Variants in RYR1 observed in about 807,000 individuals in gnomAD.
RYR1 encodes central core disease of muscle.
RYR1 carries 342 observed loss-of-function variants against 583.5 expected under a neutral mutation model. The observed-to-expected ratio is 0.59, with a 90% CI of 0.54 to 0.64. The LOEUF (loss-of-function observed/expected upper bound fraction) is 0.64, where lower values mean the gene tolerates loss of function less well. RYR1 is among the 30% of genes least tolerant of loss of function. The pLI, the probability that RYR1 is intolerant of heterozygous loss-of-function variation, is 0.00. For missense variants in RYR1, 6,032 were observed against 6,917.2 expected (o/e 0.87, Z 4.54); for synonymous variants, 2,791 against 2,822.5 (o/e 0.99, Z 0.35).
chr19:38,443,907 A>T (rs1972814961), intron 5 of RYR1, 111 bp downstream of exon 5: 11 of 1,026,544 alleles, frequency 1.1e-5, no homozygotes, highest in Non-Finnish European at 1.7e-5. Flanking sequence ...GGGGACATGA[A>T]TGGGGGCTTC....
chr19:38,574,374 T>A (rs1440502667), intron 96 of RYR1, among the ~76,000 whole-genome samples: 1 of 151,340 alleles, frequency 6.6e-6, no homozygotes. Flanking sequence ...TCTCAGCACT[T>A]TGGGAGGCTG....
In RYR1 at chr19:38,454,233, T is replaced by A. The variant is rs148457702; in HGVS notation, c.1441-1002T>A. Among the ~76,000 whole-genome samples, 541 of 152,262 alleles carry A rather than the reference T, an allele frequency of 3.6e-3. 2 individuals carry two copies. Among genetic ancestry groups the A allele is most frequent in the African/African-American group, 0.013 (523 of 41,536 alleles). On this transcript the variant is annotated intron_variant, in intron 13 of 105. Coordinates refer to ENST00000359596, the MANE Select transcript of RYR1 (RefSeq NM_000540.3). ...TTTTGTATTTTTAGTAGAGATGGGG[T>A]TTCGCCATGTTGGCCAGGCTCGTCT...
intron 89 of RYR1, among the ~76,000 whole-genome samples, chr19:38,556,747 C>G (rs1405682000): frequency 6.6e-6 from 1 of 152,114 alleles, no homozygotes; most frequent in Non-Finnish European, 1.5e-5. Flanking sequence ...CACACTAAGT[C>G]TATCAGTGGA....
chr19:38,531,963 C>A (rs1313327413), intron 76 of RYR1, among the ~76,000 whole-genome samples: 4 of 152,120 alleles, frequency 2.6e-5, no homozygotes, highest in African/African-American at 7.2e-5. Context: ...ACAGCATGGA[C>A]AACATGACCA....
chr19:38,537,140 T>C (rs1600968197), intron 83 of RYR1: 1 of 337,638 alleles, frequency 3.0e-6, no homozygotes, highest in South Asian at 3.9e-5. Context: ...TACTCTGCTC[T>C]CTGCACCCCG....
chr19:38,582,959 T>TA (rs1974281471), intron 101 of RYR1, among the ~76,000 whole-genome samples: 1 of 152,116 alleles, frequency 6.6e-6, no homozygotes, highest in African/African-American at 2.4e-5. Flanking sequence ...TCTTAGTTTT[T>TA]ACTCTAGGAT....
rs139647387 is a variant in RYR1, at chr19:38,566,978, A to G, written c.13505A>G (p.Glu4502Gly). 129 of 1,595,892 alleles carry G rather than the reference A, an allele frequency of 8.1e-5. No individual in the cohort carries two copies. Among genetic ancestry groups the G allele is most frequent in the Middle Eastern group, 3.4e-4 (2 of 5,932 alleles). ...EPEPEPELEP[E>G]KADAENGEKE... The stretch of plus-strand genomic sequence containing the variant: ...GAGCCGGAACCAGAGCTGGAGCCGG[A>G]GAAAGCCGAGTGAGTGGCCTTGGGG... Residue 4502 changes from glutamate to glycine, a missense_variant, in exon 92 of 106, where the codon GAG becomes GGG. Coordinates refer to ENST00000359596, the MANE Select transcript of RYR1 (RefSeq NM_000540.3).
At chr19:38,523,587 CCCT>C (rs1346489063) in intron 69 of RYR1, 1 of 601,248 alleles carries the variant, frequency 1.7e-6, no homozygotes, top group East Asian at 2.8e-5. Context: ...CCTCCCATTT[CCCT>C]CCTCTCCATT....
rs56120885 is a variant in RYR1, at chr19:38,486,287, A to T, written c.5547+85A>T. ...GAGATACATGCATCAATCCTCCTCT[A>T]TTTATGCATCCAACCACCCATTCAT... On this transcript the variant is annotated intron_variant, in intron 34 of 105. Coordinates refer to ENST00000359596, the MANE Select transcript of RYR1 (RefSeq NM_000540.3). 1.7e-3 allele frequency: 2,523 copies of T among 1,520,918 alleles called. 31 individuals carry two copies. The African/African-American group carries it at 0.03, about 18-fold the overall frequency. 94.2% of individuals were successfully genotyped at this position (1,520,918 alleles called of 1,614,324 possible). A position where few individuals can be genotyped will look rare whatever the true frequency, so the allele number is the denominator to read the frequency against.
At chr19:38,466,545 A>G in intron 24 of RYR1, 147 bp downstream of exon 24, 1 of 797,440 alleles carries the variant, frequency 1.3e-6, no homozygotes, top group Non-Finnish European at 1.9e-6. Flanking sequence ...CGCTGTCCCC[A>G]GGCTGGAGTG....
intron 35 of RYR1, 76 bp downstream of exon 35, chr19:38,489,519 G>A: frequency 1.3e-6 from 2 of 1,556,804 alleles, no homozygotes; most frequent in Non-Finnish European, 1.8e-6. Context: ...ATGTGAGTCT[G>A]GACTTCGTCC....
In RYR1 at chr19:38,485,882, G is replaced by T. The variant is rs1392565021; in HGVS notation, c.5227G>T (p.Ala1743Ser). Residue 1743 changes from alanine to serine, a missense_variant, in exon 34 of 106, where the codon GCC becomes TCC. This residue lies in a region of RYR1 where 2,627 missense variants were observed against 2,961.3 expected (regional missense o/e 0.89). Coordinates refer to ENST00000359596, the MANE Select transcript of RYR1 (RefSeq NM_000540.3). ...CGTGCCCCTCACGCCTGAGACCCGC[G>T]CCATCACGCTCTTCCCTCCTGGAAG... is the stretch of plus-strand genomic sequence containing the variant. ...YIVPLTPETR[A>S]ITLFPPGRST... 1.2e-6 allele frequency: 2 copies of T among 1,613,512 alleles called. No individual in the cohort carries two copies. Among genetic ancestry groups the T allele is most frequent in the Non-Finnish European group, 1.7e-6 (2 of 1,179,968 alleles).
intron 89 of RYR1, among the ~76,000 whole-genome samples, chr19:38,551,134 G>A (rs779871402): frequency 1.5e-5 from 2 of 131,748 alleles, no homozygotes; most frequent in African/African-American, 2.8e-5. Context: ...TGCAACCTCC[G>A]CCTCCTGGGT....
At position 38,477,738 on chromosome 19, in the gene RYR1, G is replaced by T. The variant is rs1968805897; in HGVS notation, c.4322G>T (p.Gly1441Val). 6.2e-7 allele frequency: 1 copy of T among 1,614,158 alleles called. No homozygotes were observed. Among genetic ancestry groups the T allele is most frequent in the Non-Finnish European group, 8.5e-7 (1 of 1,180,030 alleles). Residue 1441 changes from glycine to valine, a missense_variant, in exon 30 of 106, where the codon GGA (glycine) becomes GTA (valine). Coordinates refer to ENST00000359596, the MANE Select transcript of RYR1 (RefSeq NM_000540.3). ...TATTACTCCGTGAGGGTCTTTGCTG[G>T]ACAGGAGCCCAGCTGCGTGTGGGCG... ...TYYYSVRVFAGQEPSCVWAGW... is the reference protein window; with the variant it reads ...TYYYSVRVFAVQEPSCVWAGW...
At chr19:38,457,099 G>T (rs1399935357) in intron 16 of RYR1, among the ~76,000 whole-genome samples, 2 of 138,040 alleles carry the variant, frequency 1.4e-5, no homozygotes, top group African/African-American at 2.7e-5. Context: ...AATTACTTTT[G>T]CTCCAGCCTA....
intron 64 of RYR1, among the ~76,000 whole-genome samples, 181 bp downstream of exon 64, chr19:38,515,288 G>C (rs966522429): frequency 1.3e-5 from 2 of 152,198 alleles, no homozygotes; most frequent in African/African-American, 4.8e-5. Context: ...CAGCCACGGA[G>C]GTAGAGCCGC....
chr19:38,529,047 A>G lies in RYR1; in HGVS notation c.11131A>G (p.Thr3711Ala). ...CCTGCACTTCAGCCGCACTGCCCTG[A>G]CGGAAAAGAGGTGAAGACTCTTGCC... The part of the protein sequence containing the change: ...LVLHFSRTAL[T>A]EKSKLDEDYL... Residue 3711 changes from threonine to alanine, a missense_variant, in exon 76 of 106, where the codon ACG becomes GCG. By Grantham distance (58) the Thr-to-Ala change is moderately conservative. This residue lies in a region of RYR1 where 1,493 missense variants were observed against 1,715.5 expected (regional missense o/e 0.87). Coordinates refer to ENST00000359596, the MANE Select transcript of RYR1 (RefSeq NM_000540.3). The G allele has an allele frequency of 6.2e-7, 1 of 1,613,766 alleles. No homozygotes were observed. Among genetic ancestry groups the G allele is most frequent in the Non-Finnish European group, 8.5e-7 (1 of 1,179,990 alleles).
intron 1 of RYR1, among the ~76,000 whole-genome samples, chr19:38,436,675 T>C (rs946731991): frequency 6.6e-6 from 1 of 152,182 alleles, no homozygotes; most frequent in Non-Finnish European, 1.5e-5. Context: ...TTTACTATTA[T>C]AGACAACACA....
At position 38,485,936 on chromosome 19, in the gene RYR1, G is replaced by A. The variant is rs374471752; in HGVS notation, c.5281G>A (p.Gly1761Ser). 7 of 1,613,626 alleles carry A rather than the reference G, an allele frequency of 4.3e-6. No individual in the cohort carries two copies. The highest frequency in any genetic ancestry group is 5.1e-6 in the Non-Finnish European group (6 of 1,179,998). ...RSTENGHPRH[G>S]LPGVGVTTSL... is the part of the protein sequence containing the mutation. ...CACAGAAAATGGTCACCCCCGGCAT[G>A]GCCTGCCGGGAGTTGGAGTCACCAC... Residue 1761 changes from glycine (G) to serine (S), a missense_variant, in exon 34 of 106, where the codon GGC becomes AGC. By Grantham distance (56) the Gly-to-Ser change is moderately conservative (BLOSUM62 0). This residue lies in a region of RYR1 where 2,627 missense variants were observed against 2,961.3 expected (regional missense o/e 0.89). Transcript: ENST00000359596.
Sources: gnomAD v4.1 joint callset for allele counts (sites outside exome capture counted in the v4.1 genomes callset) on GRCh38, gnomAD v4.1.1 for gene constraint, gnomAD v4.1.1 regional missense constraint, MANE v1.5 for transcripts, NCBI Gene and HGNC (gene_info 2026-07-23, HGNC 2026-07-21) for gene names.